Variants in PNLIPRP3 observed in about 807,000 individuals in gnomAD.
The protein encoded by PNLIPRP3 is pancreatic lipase related protein 3, also known as pancreatic lipase-related protein 3.
PNLIPRP3 carries 58 observed loss-of-function variants against 52.8 expected under a neutral mutation model. The observed-to-expected ratio is 1.10, with a 90% CI of 0.89 to 1.37. The LOEUF is 1.37. PNLIPRP3 is among the 40% of genes most tolerant of loss of function. The pLI is 0.00. For missense variants in PNLIPRP3, 593 were observed against 561.6 expected (o/e 1.06, Z -0.57); for synonymous variants, 192 against 185.0 (o/e 1.04, Z -0.31).
chr10:116,428,483 G>A (rs1054786029), intron 1 of PNLIPRP3, among the ~76,000 whole-genome samples: 26 of 152,166 alleles, frequency 1.7e-4, no homozygotes, highest in Admixed American at 1.6e-3. Flanking sequence ...TCCAAATTCT[G>A]TAGCTGACTC....
At chr10:116,441,802 A>G (rs1845862707) in intron 2 of PNLIPRP3, among the ~76,000 whole-genome samples, 2 of 152,162 alleles carry the variant, frequency 1.3e-5, no homozygotes. Flanking sequence ...CCCCTTTTCT[A>G]ATTTTTAAAA....
chr10:116,442,420 A>G (rs1399507763), intron 2 of PNLIPRP3, among the ~76,000 whole-genome samples: 2 of 152,234 alleles, frequency 1.3e-5, no homozygotes, highest in Admixed American at 6.5e-5. Flanking sequence ...TTTAATTCTC[A>G]TGAATTACAC....
chr10:116,468,126 C>CAAAAAA (rs5788168), intron 8 of PNLIPRP3, among the ~76,000 whole-genome samples: 2 of 39,498 alleles, frequency 5.1e-5, no homozygotes, highest in Non-Finnish European at 7.8e-5. Context: ...CTCTGTCTCG[C>CAAAAAA]AAAAAAAAAA....
At position 116,461,195 on chromosome 10, in the gene PNLIPRP3, A is replaced by C. The variant is rs752389651; in HGVS notation, c.713A>C (p.His238Pro). The change falls in exon 7 of 12, where the codon CAT becomes CCT. Residue 238 changes from histidine to proline, a missense_variant. His to Pro is a moderately conservative substitution (Grantham distance 77). Transcript: ENST00000369230. Reference protein sequence around the residue: ...LGVGTIDACGHLDFYPNGGKH... With the variant: ...LGVGTIDACGPLDFYPNGGKH... Reference sequence around the variant, plus strand: ...GTTGGAACCATTGATGCTTGTGGTCATCTTGACTTTTACCCAAATGGAGGG... The same window carrying C: ...GTTGGAACCATTGATGCTTGTGGTCCTCTTGACTTTTACCCAAATGGAGGG... 1 of 1,614,220 alleles carries C rather than the reference A, an allele frequency of 6.2e-7. No homozygotes were observed. The highest frequency in any genetic ancestry group is 1.1e-5 in the South Asian group (1 of 91,082).
chr10:116,437,760 G>A (rs1030584987), intron 2 of PNLIPRP3, among the ~76,000 whole-genome samples: 5 of 152,128 alleles, frequency 3.3e-5, no homozygotes, highest in African/African-American at 1.2e-4. Context: ...CTAGCCACAT[G>A]TGACTATTAA....
At chr10:116,439,408 A>C (rs1403396039) in intron 2 of PNLIPRP3, 17 of 558,730 alleles carry the variant, frequency 3.0e-5, no homozygotes, top group Non-Finnish European at 5.5e-5. Flanking sequence ...TGTCAATTAC[A>C]GAGCTCCCCT....
At chr10:116,472,628 G>GT (rs1846392883) in intron 10 of PNLIPRP3, among the ~76,000 whole-genome samples, 1 of 152,154 alleles carries the variant, frequency 6.6e-6, no homozygotes, top group Admixed American at 6.5e-5. Flanking sequence ...AGATGCATCC[G>GT]TTTTATCACT....
chr10:116,476,810 A>C lies in PNLIPRP3; in HGVS notation c.1331A>C (p.Tyr444Ser). Residue 444 changes from tyrosine (Y) to serine (S), a missense_variant, in exon 11 of 12, where the codon TAT (tyrosine) becomes TCT (serine). By Grantham distance (144) the Tyr-to-Ser change is moderately radical (BLOSUM62 -2). Transcript: ENST00000369230. ...ATGGTGATAAATACATCTGGGAAATATGGATATAAGTAAGTATTGCTTTTT... is the reference window on the plus strand; with the variant it reads ...ATGGTGATAAATACATCTGGGAAATCTGGATATAAGTAAGTATTGCTTTTT... ...AEMVINTSGK[Y>S]GYKSTFCSQD... The C allele has an allele frequency of 6.3e-7, 1 of 1,597,186 alleles. No individual in the cohort carries two copies. The highest frequency in any genetic ancestry group is 8.5e-7 in the Non-Finnish European group (1 of 1,173,768).
intron 5 of PNLIPRP3, among the ~76,000 whole-genome samples, chr10:116,458,053 A>G (rs1023574566): frequency 2.6e-5 from 4 of 152,220 alleles, no homozygotes; most frequent in Admixed American, 6.5e-5. Context: ...AACAAAATTA[A>G]TATGATAAAC....
intron 7 of PNLIPRP3, among the ~76,000 whole-genome samples, chr10:116,463,065 A>G (rs1846222206): frequency 6.6e-6 from 1 of 152,210 alleles, no homozygotes; most frequent in Non-Finnish European, 1.5e-5. Flanking sequence ...AAATCTATAG[A>G]TATACAGAGA....
chr10:116,476,848 C>T (rs578158473), intron 11 of PNLIPRP3, 29 bp downstream of exon 11: 44 of 1,528,308 alleles, frequency 2.9e-5, no homozygotes, highest in Admixed American at 1.7e-4. Context: ...TTTTCATTTT[C>T]GTAGTTTACA....
intron 4 of PNLIPRP3, among the ~76,000 whole-genome samples, chr10:116,451,891 A>G (rs1846044638): frequency 6.6e-6 from 1 of 152,220 alleles, no homozygotes; most frequent in Admixed American, 6.5e-5. Context: ...AGATACTTCA[A>G]AATGTGGAAG....
At chr10:116,471,293 G>T (rs1372440921) in intron 9 of PNLIPRP3, among the ~76,000 whole-genome samples, 1 of 152,166 alleles carries the variant, frequency 6.6e-6, no homozygotes, top group East Asian at 1.9e-4. Flanking sequence ...CCCTGCAGGA[G>T]AAGAAGAATG....
At chr10:116,468,030 C>G (rs1846307379) in intron 8 of PNLIPRP3, among the ~76,000 whole-genome samples, 1 of 143,378 alleles carries the variant, frequency 7.0e-6, no homozygotes, top group Non-Finnish European at 1.5e-5. Flanking sequence ...GAGGCTGAGG[C>G]AGGAGAATGG....
intron 4 of PNLIPRP3, among the ~76,000 whole-genome samples, chr10:116,446,671 C>T (rs1226327834): frequency 6.6e-6 from 1 of 152,170 alleles, no homozygotes. Context: ...CTTTCTCTGA[C>T]AAGCACACTG....
chr10:116,458,947 T>G (rs1022206960), intron 5 of PNLIPRP3, among the ~76,000 whole-genome samples: 1 of 152,180 alleles, frequency 6.6e-6, no homozygotes, highest in African/African-American at 2.4e-5. Context: ...CCTAGCTTCT[T>G]TCCCCAAAAC....
chr10:116,432,698 G>T (rs1292038510), intron 1 of PNLIPRP3, among the ~76,000 whole-genome samples: 2 of 152,166 alleles, frequency 1.3e-5, no homozygotes, highest in African/African-American at 2.4e-5. Context: ...TATGGTAAAA[G>T]AATTGAAATT....
chr10:116,430,387 G>T (rs1448931634), intron 1 of PNLIPRP3, among the ~76,000 whole-genome samples: 6 of 152,164 alleles, frequency 3.9e-5, no homozygotes, highest in Non-Finnish European at 8.8e-5. Context: ...TGATGGCTGG[G>T]TAGCTTTAAG....
rs560726036 is a variant in PNLIPRP3 at position 116,435,628 on chromosome 10, T to C, written c.50-1083T>C. ...ATGTGGCCAGTACCATCCTAACAAG[T>C]GTGGGATGATATCTCATTAAGGTTT... On this transcript the variant is annotated intron_variant, in intron 1 of 11. Transcript: ENST00000369230. Among the ~76,000 whole-genome samples, 3 of 152,270 alleles carry C rather than the reference T, an allele frequency of 2.0e-5. No homozygotes were observed. The South Asian group carries it at 6.2e-4, about 32-fold the overall frequency.
Sources: gnomAD v4.1 joint callset for allele counts (sites outside exome capture counted in the v4.1 genomes callset) on GRCh38, gnomAD v4.1.1 for gene constraint, MANE v1.5 for transcripts, NCBI Gene and HGNC (gene_info 2026-07-23, HGNC 2026-07-21) for gene names.